Variants in NECAB1 observed in about 807,000 individuals in gnomAD.
NECAB1 encodes N-terminal EF-hand calcium binding protein 1.
Under a neutral mutation model 57.5 loss-of-function variants are expected in NECAB1, and 29 were observed. That is an observed-to-expected ratio of 0.50 (90% confidence interval 0.38 to 0.69). The LOEUF is 0.69. NECAB1 is among the 30% of genes least tolerant of loss of function. The pLI is 0.00. For synonymous variants in NECAB1, 142 were observed against 147.7 expected, an observed-to-expected ratio of 0.96 and a Z score of 0.28; for missense variants, 372 against 413.8, an observed-to-expected ratio of 0.90 and a Z score of 0.88.
chr8:90,831,296 A>G lies in NECAB1; in HGVS notation c.233+6471A>G, dbSNP rs114631476. The stretch of plus-strand genomic sequence containing the variant: ...CTGGACAAATCAGCATTTTCAAGAA[A>G]ACATAATGCAAAATAGAACCAGGAT... On this transcript the variant is annotated intron_variant, in intron 3 of 12. Transcript: ENST00000417640. 2.0e-3 allele frequency among the ~76,000 whole-genome samples: 311 copies of G among 152,252 alleles called. 1 individual carries two copies. Among genetic ancestry groups the G allele is most frequent in the African/African-American group, 7.2e-3 (301 of 41,548 alleles).
chr8:90,857,102 C>CT (rs1309879361), intron 3 of NECAB1, among the ~76,000 whole-genome samples: 1 of 151,768 alleles, frequency 6.6e-6, no homozygotes, highest in African/African-American at 2.4e-5. Flanking sequence ...TAAATTTTTA[C>CT]TTTTTTTTCA....
chr8:90,917,870 A>ATATATATATG (rs1554575432), intron 6 of NECAB1, among the ~76,000 whole-genome samples: 34 of 64,334 alleles, frequency 5.3e-4, no homozygotes, highest in South Asian at 1.4e-3. Flanking sequence ...ATATATATAT[A>ATATATATATG]TGTGTGTGTG....
chr8:90,862,253 C>T (rs1280575472), intron 3 of NECAB1, among the ~76,000 whole-genome samples: 5 of 151,980 alleles, frequency 3.3e-5, no homozygotes, highest in African/African-American at 4.8e-5. Context: ...TGCATAAATT[C>T]GTTAGGAAAT....
chr8:90,803,862 G>A (rs1448252753), intron 2 of NECAB1, among the ~76,000 whole-genome samples: 2 of 152,130 alleles, frequency 1.3e-5, no homozygotes, highest in Non-Finnish European at 2.9e-5. Context: ...GAACACTCAC[G>A]CTTTGCTTAC....
chr8:90,881,890 T>C (rs1408832931), intron 5 of NECAB1, among the ~76,000 whole-genome samples: 1 of 152,112 alleles, frequency 6.6e-6, no homozygotes, highest in African/African-American at 2.4e-5. Context: ...TAAAGGAAGT[T>C]GGTAGAGCTG....
intron 5 of NECAB1, among the ~76,000 whole-genome samples, chr8:90,916,664 C>T (rs962210706): frequency 5.3e-5 from 8 of 152,162 alleles, no homozygotes. Context: ...GTGGCCCTGT[C>T]ACCATCTTAT....
chr8:90,954,328 A>G (rs1050827921), intron 12 of NECAB1, among the ~76,000 whole-genome samples: 10 of 152,092 alleles, frequency 6.6e-5, no homozygotes, highest in Admixed American at 1.3e-4. Flanking sequence ...TCCAGATATG[A>G]AAATATACAC....
intron 10 of NECAB1, among the ~76,000 whole-genome samples, chr8:90,941,303 C>T (rs955652864): frequency 4.6e-5 from 7 of 152,206 alleles, no homozygotes; most frequent in African/African-American, 7.2e-5. Flanking sequence ...CTTGGCAGTA[C>T]GCCCTGTGGC....
At chr8:90,877,404 T>G (rs1375107229) in intron 4 of NECAB1, among the ~76,000 whole-genome samples, 1 of 152,192 alleles carries the variant, frequency 6.6e-6, no homozygotes, top group Non-Finnish European at 1.5e-5. Context: ...TTGCCCATAG[T>G]GGTCTCGAAT....
intron 3 of NECAB1, among the ~76,000 whole-genome samples, chr8:90,866,421 G>T (rs1004676689): frequency 2.6e-5 from 4 of 152,228 alleles, no homozygotes; most frequent in Non-Finnish European, 5.9e-5. Flanking sequence ...CTATTAAGGG[G>T]TATAGCAGTG....
intron 2 of NECAB1, among the ~76,000 whole-genome samples, chr8:90,808,645 T>C (rs946835441): frequency 2.6e-4 from 35 of 136,362 alleles, no homozygotes; most frequent in Non-Finnish European, 3.4e-4. Flanking sequence ...CTTTTCTTTT[T>C]TTTTTTTTTT....
chr8:90,796,977 T>C (rs1038781578), intron 1 of NECAB1, among the ~76,000 whole-genome samples: 6 of 152,228 alleles, frequency 3.9e-5, no homozygotes, highest in African/African-American at 1.4e-4. Context: ...TATTCTATTC[T>C]AGTTACTTCA....
intron 1 of NECAB1, among the ~76,000 whole-genome samples, chr8:90,798,281 T>G (rs1226970464): frequency 2.6e-5 from 4 of 152,242 alleles, no homozygotes; most frequent in Non-Finnish European, 5.9e-5. Flanking sequence ...CAAACCCTAT[T>G]TCTTTTCTTT....
intron 3 of NECAB1, among the ~76,000 whole-genome samples, chr8:90,869,246 T>C (rs1380170033): frequency 6.6e-6 from 1 of 152,202 alleles, no homozygotes; most frequent in Admixed American, 6.5e-5. Flanking sequence ...AGAACCCTCA[T>C]GGAGAATCTC....
intron 6 of NECAB1, among the ~76,000 whole-genome samples, chr8:90,921,631 G>A (rs760370289): frequency 2.6e-4 from 39 of 151,194 alleles, no homozygotes; most frequent in African/African-American, 5.6e-4. Flanking sequence ...CAGAGATCGC[G>A]CCACTACACT....
At chr8:90,950,552 T>C (rs1810904822) in intron 11 of NECAB1, among the ~76,000 whole-genome samples, 1 of 152,162 alleles carries the variant, frequency 6.6e-6, no homozygotes, top group African/African-American at 2.4e-5. Flanking sequence ...AGTCCATGTT[T>C]AGGGTGTTAA....
intron 3 of NECAB1, among the ~76,000 whole-genome samples, chr8:90,857,230 C>A (rs761513807): frequency 3.6e-4 from 55 of 152,170 alleles, no homozygotes; most frequent in Non-Finnish European, 5.1e-4. Context: ...TATGTTTTTA[C>A]TGTATGTTTG....
chr8:90,835,777 C>G (rs959657005), intron 3 of NECAB1, among the ~76,000 whole-genome samples: 1 of 152,138 alleles, frequency 6.6e-6, no homozygotes, highest in African/African-American at 2.4e-5. Context: ...TCTACTACTT[C>G]CAGCAATTGC....
At chr8:90,941,631 C>G (rs1201973670) in intron 10 of NECAB1, among the ~76,000 whole-genome samples, 1 of 152,226 alleles carries the variant, frequency 6.6e-6, no homozygotes, top group Non-Finnish European at 1.5e-5. Context: ...TGTCCTGACT[C>G]TATATTTAAT....
Sources: allele counts gnomAD v4.1 joint callset (sites outside exome capture counted in the v4.1 genomes callset), GRCh38; gene constraint gnomAD v4.1.1; transcripts MANE v1.5; gene names NCBI Gene and HGNC (gene_info 2026-07-23, HGNC 2026-07-21).